Variants in CHD5 observed in about 807,000 individuals in gnomAD.
CHD5 encodes chromodomain helicase DNA binding protein 5.
In CHD5, 69 loss-of-function variants were observed where a neutral mutation model predicts 230.3. The observed-to-expected ratio is 0.30, with a 90% confidence interval of 0.25 to 0.37. The LOEUF is 0.37. CHD5 is among the 10% of genes least tolerant of loss of function. The pLI, the probability that CHD5 is intolerant of heterozygous loss-of-function variation, is 1.00. For synonymous variants in CHD5, 1,064 were observed against 1,065.9 expected (o/e 1.00, Z 0.03); for missense variants, 1,827 against 2,622.8 (o/e 0.70, Z 6.63).
chr1:6,142,699 A>G lies in CHD5; in HGVS notation c.2044-94T>C, dbSNP rs973314716. On this transcript the variant is annotated intron_variant, in intron 13 of 41. Transcript: ENST00000262450. The surrounding 1 kb of genome is among the most constrained non-coding windows in gnomAD (Gnocchi z 5.2). ...TGCACATGCAATTCCTTCTGCCTGG[A>G]ACACTCTTCCCACTCCTGTCTGTCT... 7.6e-7 allele frequency: 1 copy of G among 1,308,774 alleles called. No individual in the cohort carries two copies. Among genetic ancestry groups the G allele is most frequent in the East Asian group, 2.4e-5 (1 of 41,912 alleles). The allele number at this position is 1,308,774 out of a possible 1,614,324, so 81.1% of individuals were successfully genotyped here.
chr1:6,147,214 G>A (rs764735158), intron 9 of CHD5, among the ~76,000 whole-genome samples: 1 of 152,202 alleles, frequency 6.6e-6, no homozygotes, highest in African/African-American at 2.4e-5. Context: ...GCAGAGCAGG[G>A]AGCAGAACAT....
intron 33 of CHD5, among the ~76,000 whole-genome samples, chr1:6,115,955 G>C (rs1666372601): frequency 6.6e-6 from 1 of 152,196 alleles, no homozygotes; most frequent in Non-Finnish European, 1.5e-5. Context: ...ATACATGGAA[G>C]CTGGATCTGA....
chr1:6,160,414 G>GAAGA (rs56854268), intron 2 of CHD5, among the ~76,000 whole-genome samples: 1 of 137,692 alleles, frequency 7.3e-6, no homozygotes, highest in African/African-American at 2.9e-5. Context: ...AGCCAGAGAA[G>GAAGA]GGCCCCAGCC....
Position 6,128,753 on chromosome 1 carries a change from G to A in CHD5, c.3619+85C>T, listed in dbSNP as rs1666604661. On this transcript the variant is annotated intron_variant, in intron 23 of 41. Coordinates refer to ENST00000262450, the MANE Select transcript of CHD5 (RefSeq NM_015557.3). The surrounding 1 kb of genome is among the most constrained non-coding windows in gnomAD (Gnocchi z 7.8). ...AGAAGAGAGGCTGTGTGTTGGAGCG[G>A]GCAGGGACCCAAGCAAGCCCTGGAT... 1 of 1,314,076 alleles carries A rather than the reference G, an allele frequency of 7.6e-7. No homozygotes were observed. The highest frequency in any genetic ancestry group is 1.4e-5 in the African/African-American group (1 of 68,992). 81.4% of individuals were successfully genotyped at this position (1,314,076 alleles called of 1,614,324 possible). A position where few individuals can be genotyped will look rare whatever the true frequency, so the allele number is the denominator to read the frequency against.
intron 36 of CHD5, 66 bp from the exon 37 acceptor site, chr1:6,110,592 CT>C: frequency 6.6e-7 from 1 of 1,512,078 alleles, no homozygotes; most frequent in Non-Finnish European, 9.0e-7. Context: ...GGGGAGGCAG[CT>C]CAGGGAGGGG....
intron 33 of CHD5, among the ~76,000 whole-genome samples, chr1:6,114,358 G>A (rs1490209146): frequency 2.0e-5 from 3 of 152,076 alleles, no homozygotes; most frequent in South Asian, 2.1e-4. Flanking sequence ...AGCGCCTGGG[G>A]CTAACAGGAC....
chr1:6,113,489 G>T, intron 33 of CHD5: 1 of 243,514 alleles, frequency 4.1e-6, no homozygotes. Flanking sequence ...TGCCAGGAAG[G>T]AAGGGGAAAC....
At chr1:6,148,175 G>A (rs1666940719) in intron 9 of CHD5, among the ~76,000 whole-genome samples, 1 of 152,206 alleles carries the variant, frequency 6.6e-6, no homozygotes, top group Non-Finnish European at 1.5e-5. Flanking sequence ...GCACAGCCCA[G>A]GACCTGAGGG....
chr1:6,150,796 C>T (rs545779580), intron 7 of CHD5, among the ~76,000 whole-genome samples: 33 of 152,298 alleles, frequency 2.2e-4, no homozygotes, highest in South Asian at 8.3e-4. Flanking sequence ...GTTCCTTGTT[C>T]TTTCCTTACT....
chr1:6,108,348 G>C (rs1414088829), intron 38 of CHD5, among the ~76,000 whole-genome samples: 8 of 148,314 alleles, frequency 5.4e-5, no homozygotes. Flanking sequence ...TATGATGAAG[G>C]GATAATGGAG....
At chr1:6,135,623 G>A (rs1382082434) in intron 17 of CHD5, among the ~76,000 whole-genome samples, 2 of 152,060 alleles carry the variant, frequency 1.3e-5, no homozygotes, top group African/African-American at 2.4e-5. Context: ...CCTCAAAACC[G>A]TCCTGGACAG....
rs1666544293 is a variant in CHD5 at position 6,125,664 on chromosome 1, TCCCCAAGGACAGCGGGA to T, written c.4172-69_4172-53del. 6.2e-7 allele frequency: 1 copy of T among 1,608,892 alleles called. No individual in the cohort carries two copies. On this transcript the variant is annotated intron_variant, in intron 27 of 41. Coordinates refer to ENST00000262450, the MANE Select transcript of CHD5 (RefSeq NM_015557.3). The surrounding 1 kb of genome is among the most constrained non-coding windows in gnomAD (Gnocchi z 6.7). ...CAGGTGGGAGCCCAGAGATTCCTGA[TCCCCAAGGACAGCGGGA>T]CCCCAGACCAGCCCCGCTCCTGCTG...
In CHD5 at chr1:6,134,414, C is replaced by T. The variant is rs1391466454; in HGVS notation, c.3013-155G>A. Among the ~76,000 whole-genome samples, 6 of 152,156 alleles carry T rather than the reference C, an allele frequency of 3.9e-5. No individual in the cohort carries two copies. Among genetic ancestry groups the T allele is most frequent in the Non-Finnish European group, 7.4e-5 (5 of 68,008 alleles). The stretch of plus-strand genomic sequence containing the variant: ...GACCCACACCCGAGCCAGGCCAGGC[C>T]CCACAGTGCGGGGTAGACCGTGGGT... On this transcript the variant is annotated intron_variant, in intron 19 of 41. Coordinates refer to ENST00000262450, the MANE Select transcript of CHD5 (RefSeq NM_015557.3). This position sits in a 1 kb window ranked among gnomAD's most constrained non-coding sequence, Gnocchi z 6.3.
At chr1:6,174,911 G>A (rs1455069767) in intron 1 of CHD5, among the ~76,000 whole-genome samples, 6 of 147,128 alleles carry the variant, frequency 4.1e-5, no homozygotes, top group African/African-American at 1.5e-4. Flanking sequence ...TGGGTGGGTG[G>A]ATGGATGGAT....
At chr1:6,157,517 A>G (rs1032336822) in intron 3 of CHD5, among the ~76,000 whole-genome samples, 2 of 152,070 alleles carry the variant, frequency 1.3e-5, no homozygotes, top group Admixed American at 1.3e-4. Flanking sequence ...ACATCCCTCT[A>G]CTGCCTAGGC....
rs1281996278 is a variant in CHD5, at chr1:6,154,473, G to T, written c.745+187C>A. 6.6e-6 allele frequency among the ~76,000 whole-genome samples: 1 copy of T among 152,198 alleles called. No individual in the cohort carries two copies. Reference sequence around the variant, plus strand: ...CCCCAAAAGGGAGTCAGGCACAAAAGAGGCGACGATGCTGCCTCACTGCTG... The same window carrying T: ...CCCCAAAAGGGAGTCAGGCACAAAATAGGCGACGATGCTGCCTCACTGCTG... On this transcript the variant is annotated intron_variant, in intron 5 of 41. Transcript: ENST00000262450. The surrounding 1 kb of genome is among the most constrained non-coding windows in gnomAD (Gnocchi z 7.0).
At chr1:6,119,239 C>T (rs1349367072) in intron 33 of CHD5, among the ~76,000 whole-genome samples, 2 of 152,044 alleles carry the variant, frequency 1.3e-5, no homozygotes, top group Admixed American at 1.3e-4. Context: ...GCTGGGACTA[C>T]TGGCGCTCGC....
intron 1 of CHD5, among the ~76,000 whole-genome samples, chr1:6,175,497 C>A (rs1667411392): frequency 7.6e-6 from 1 of 131,092 alleles, no homozygotes; most frequent in South Asian, 2.6e-4. Flanking sequence ...TGGATGGAAG[C>A]ATGAATGGTG....
chr1:6,144,031 C>T lies in CHD5; in HGVS notation c.1927G>A (p.Gly643Ser), dbSNP rs1007557168. 10 of 1,614,148 alleles carry T rather than the reference C, an allele frequency of 6.2e-6. No individual in the cohort carries two copies. The highest frequency in any genetic ancestry group is 6.8e-6 in the Non-Finnish European group (8 of 1,180,028). The change falls in exon 12 of 42, where the codon GGC (glycine) becomes AGC (serine). Residue 643 changes from glycine (G) to serine (S), a missense_variant. Physicochemically the swap from Gly to Ser is moderately conservative, Grantham distance 56. Transcript: ENST00000262450. ...YYDNLKQAYW[G>S]HRELMLGEDT... The stretch of plus-strand genomic sequence containing the variant: ...CGGATCCCTGCGACCCACCTGTGGC[C>T]CCAGTAGGCCTGCTTGAGGTTGTCG...
Sources: gnomAD v4.1 joint callset for allele counts (sites outside exome capture counted in the v4.1 genomes callset) on GRCh38, gnomAD v4.1.1 for gene constraint, Gnocchi (gnomAD v3.1) non-coding constraint, MANE v1.5 for transcripts, NCBI Gene and HGNC (gene_info 2026-07-23, HGNC 2026-07-21) for gene names.